The following ARHGAP24 variants were observed in gnomAD, a reference collection of about 807,000 sequenced individuals.
The protein encoded by ARHGAP24 is Rho GTPase activating protein 24, also known as rho GTPase-activating protein 24.
In ARHGAP24, 50 loss-of-function variants were observed where a neutral mutation model predicts 76.4. The ratio of observed to expected loss-of-function variants is 0.65; its 90% CI spans 0.52 to 0.83. The LOEUF (loss-of-function observed/expected upper bound fraction) is 0.83, where lower values mean the gene tolerates loss of function less well. ARHGAP24 is among the 40% of genes least tolerant of loss of function. The probability of loss-of-function intolerance (pLI) is 0.00; values close to 1 mark genes in which losing one functional copy is unlikely to be tolerated. For synonymous variants in ARHGAP24, 345 were observed against 323.3 expected (o/e 1.07, Z -0.72); for missense variants, 930 against 914.2 (o/e 1.02, Z -0.22).
intron 3 of ARHGAP24, among the ~76,000 whole-genome samples, chr4:85,737,961 T>C (rs994285): frequency 2.0e-5 from 3 of 151,896 alleles, no homozygotes; most frequent in African/African-American, 7.3e-5. Context: ...GCTTGGTTTA[T>C]GTAGGCTGGA....
At chr4:85,546,411 G>T (rs781507204) in intron 1 of ARHGAP24, among the ~76,000 whole-genome samples, 2 of 152,108 alleles carry the variant, frequency 1.3e-5, no homozygotes, top group African/African-American at 2.4e-5. Context: ...TCTACTTACT[G>T]CCCTTTTACC....
intron 2 of ARHGAP24, among the ~76,000 whole-genome samples, chr4:85,706,559 TG>T (rs1387939338): frequency 6.6e-6 from 1 of 151,810 alleles, no homozygotes; most frequent in Non-Finnish European, 1.5e-5. Flanking sequence ...ATGTTGTTTT[TG>T]TTTTTTTTTT....
intron 3 of ARHGAP24, among the ~76,000 whole-genome samples, chr4:85,774,944 G>C (rs988709142): frequency 2.0e-5 from 3 of 152,006 alleles, no homozygotes; most frequent in Non-Finnish European, 4.4e-5. Context: ...TGAACACTAA[G>C]AGCAATGTGG....
chr4:85,517,098 G>T (rs757023738), intron 1 of ARHGAP24, among the ~76,000 whole-genome samples: 1 of 151,970 alleles, frequency 6.6e-6, no homozygotes, highest in Non-Finnish European at 1.5e-5. Flanking sequence ...GGTCCATTTC[G>T]GGATTTTCCC....
chr4:85,553,659 G>T (rs2869354), intron 1 of ARHGAP24, among the ~76,000 whole-genome samples: 125,257 of 151,980 alleles, frequency 0.82, 54,018 homozygotes, highest in East Asian at 0.98. Context: ...ACAGAAAAGT[G>T]GTCCAAGTCC....
chr4:85,719,318 G>C (rs1006165867), intron 2 of ARHGAP24, among the ~76,000 whole-genome samples: 2 of 152,080 alleles, frequency 1.3e-5, no homozygotes, highest in Admixed American at 1.3e-4. Context: ...AGCAGGAAAA[G>C]GTACTTCCTG....
At chr4:85,699,843 A>T (rs936588494) in intron 2 of ARHGAP24, among the ~76,000 whole-genome samples, 11 of 152,192 alleles carry the variant, frequency 7.2e-5, no homozygotes, top group African/African-American at 2.6e-4. Context: ...TATTTTGTTC[A>T]CTGATGTATC....
intron 9 of ARHGAP24, among the ~76,000 whole-genome samples, chr4:85,996,784 G>GT (rs1578484146): frequency 6.6e-6 from 1 of 152,064 alleles, no homozygotes; most frequent in East Asian, 1.9e-4. Flanking sequence ...TCTGAATGTA[G>GT]TTTTTGGAAC....
At chr4:85,668,504 A>G (rs1270563655) in intron 2 of ARHGAP24, among the ~76,000 whole-genome samples, 5 of 152,346 alleles carry the variant, frequency 3.3e-5, no homozygotes, top group Middle Eastern at 3.4e-3. Context: ...ATAAACACTG[A>G]CAAGTACAGG....
chr4:85,598,156 A>G (rs1719903370), intron 2 of ARHGAP24, among the ~76,000 whole-genome samples: 1 of 152,096 alleles, frequency 6.6e-6, no homozygotes. Context: ...TCAAAAGATG[A>G]ACTTGGTATC....
At chr4:85,828,757 G>GAA (rs1729846921) in intron 3 of ARHGAP24, among the ~76,000 whole-genome samples, 1 of 151,994 alleles carries the variant, frequency 6.6e-6, no homozygotes, top group Admixed American at 6.6e-5. Context: ...ATGCTCTTGG[G>GAA]TTAACAGACC....
intron 5 of ARHGAP24, among the ~76,000 whole-genome samples, chr4:85,954,079 A>G (rs1486675624): frequency 6.6e-6 from 1 of 152,208 alleles, no homozygotes; most frequent in Non-Finnish European, 1.5e-5. Context: ...AGAGATTGGA[A>G]AACCCATTTG....
intron 1 of ARHGAP24, among the ~76,000 whole-genome samples, chr4:85,536,619 A>G (rs2110120039): frequency 1.3e-5 from 2 of 152,284 alleles, no homozygotes; most frequent in South Asian, 4.1e-4. Context: ...TTTGATCAGA[A>G]TGAAAGCAGT....
At chr4:85,695,640 A>G (rs547209854) in intron 2 of ARHGAP24, among the ~76,000 whole-genome samples, 76 of 152,330 alleles carry the variant, frequency 5.0e-4, no homozygotes, top group African/African-American at 1.8e-3. Flanking sequence ...AAAAGTCTGA[A>G]GCTAAATAAC....
intron 2 of ARHGAP24, among the ~76,000 whole-genome samples, chr4:85,688,848 T>A (rs1116117): frequency 0.57 from 86,987 of 151,976 alleles, 27,547 homozygotes; most frequent in East Asian, 0.94. Context: ...GTTGAAGATC[T>A]TGTTATTGTA....
chr4:85,496,998 C>T (rs953968026), intron 1 of ARHGAP24, among the ~76,000 whole-genome samples: 1 of 152,148 alleles, frequency 6.6e-6, no homozygotes, highest in Non-Finnish European at 1.5e-5. Flanking sequence ...CATGCAAAGC[C>T]GTGTTATGAG....
intron 9 of ARHGAP24, among the ~76,000 whole-genome samples, chr4:85,996,108 T>C (rs1314069579): frequency 1.3e-5 from 2 of 152,132 alleles, no homozygotes; most frequent in Non-Finnish European, 2.9e-5. Context: ...CTTTCAATCA[T>C]TGAATGTTGA....
chr4:85,743,392 C>CAAAAAAAAAA (rs774717006), intron 3 of ARHGAP24, among the ~76,000 whole-genome samples: 3 of 43,378 alleles, frequency 6.9e-5, no homozygotes, highest in Admixed American at 4.0e-4. Flanking sequence ...GATCCCATCT[C>CAAAAAAAAAA]AAAAAAAAAA....
At chr4:85,777,377 T>G (rs569517867) in intron 3 of ARHGAP24, among the ~76,000 whole-genome samples, 4 of 152,292 alleles carry the variant, frequency 2.6e-5, no homozygotes, top group Non-Finnish European at 5.9e-5. Flanking sequence ...AAATAGGCCT[T>G]GAATGATCTG....
Sources: allele counts gnomAD v4.1 joint callset (sites outside exome capture counted in the v4.1 genomes callset), GRCh38; gene constraint gnomAD v4.1.1; transcripts MANE v1.5; gene names NCBI Gene and HGNC (gene_info 2026-07-23, HGNC 2026-07-21).